The following C2CD5 variants were observed in gnomAD, a reference collection of about 807,000 sequenced individuals.
C2CD5 encodes C2 domain-containing protein 5.
Under a neutral mutation model 130.3 loss-of-function variants are expected in C2CD5, and 109 were observed. That is an observed-to-expected ratio of 0.84 (90% CI 0.72 to 0.98). The LOEUF (loss-of-function observed/expected upper bound fraction) is 0.98. C2CD5 is among the 50% of genes least tolerant of loss of function. The pLI is 0.00. For missense variants in C2CD5, 996 were observed against 1,261.8 expected (o/e 0.79, Z 3.19); for synonymous variants, 454 against 429.2 (o/e 1.06, Z -0.71).
In C2CD5 at chr12:22,472,578, A is replaced by T; in HGVS notation, c.2107+166T>A. The T allele has an allele frequency of 4.6e-6, 3 of 652,362 alleles. No homozygotes were observed. In the South Asian group the frequency reaches 5.5e-5, roughly 12 times the overall value. The allele number at this position is 652,362 out of a possible 1,614,324, so 40.4% of individuals were successfully genotyped here. On this transcript the variant is annotated intron_variant, in intron 17 of 26. Transcript: ENST00000446597. ...ATCACTTCCACCTAAGTTCTAACAT[A>T]AGTATTTTTAAGGTATGTTTTCTAC... is the stretch of plus-strand genomic sequence containing the variant.
intron 10 of C2CD5, among the ~76,000 whole-genome samples, chr12:22,503,232 T>G (rs1948033925): frequency 6.6e-6 from 1 of 152,156 alleles, no homozygotes. Context: ...CAAAACTCAT[T>G]TGAGAATGCA....
At chr12:22,480,154 TG>T (rs897135746) in intron 14 of C2CD5, among the ~76,000 whole-genome samples, 1 of 152,180 alleles carries the variant, frequency 6.6e-6, no homozygotes, top group African/African-American at 2.4e-5. Flanking sequence ...CCACCTCTAA[TG>T]TGTTTTAGCT....
At position 22,523,641 on chromosome 12, in the gene C2CD5, A is replaced by G. The variant is rs1315870946; in HGVS notation, c.602-17T>C. 6.3e-7 allele frequency: 1 copy of G among 1,599,128 alleles called. No individual in the cohort carries two copies. Among genetic ancestry groups the G allele is most frequent in the South Asian group, 1.1e-5 (1 of 90,818 alleles). On this transcript the variant is annotated splice_polypyrimidine_tract_variant and intron_variant, in intron 6 of 26. Coordinates refer to ENST00000446597, the MANE Select transcript of C2CD5 (RefSeq NM_001286176.2). ...GCAGCTCACCTACAAAACATGGGAA[A>G]TCTCATTCTTGCTTTGTAGCTTTAC...
At chr12:22,491,205 C>G (rs1359064731) in intron 11 of C2CD5, among the ~76,000 whole-genome samples, 1 of 152,184 alleles carries the variant, frequency 6.6e-6, no homozygotes, top group Non-Finnish European at 1.5e-5. Flanking sequence ...CAGATGACAT[C>G]TGTCAGATGA....
intron 24 of C2CD5, among the ~76,000 whole-genome samples, chr12:22,458,099 T>C (rs1187675817): frequency 6.6e-6 from 1 of 152,170 alleles, no homozygotes; most frequent in East Asian, 1.9e-4. Flanking sequence ...AAATTCTTTA[T>C]TAGTTTAGCC....
rs772852746 is a variant in C2CD5 at position 22,513,278 on chromosome 12, A to G, written c.1038+16T>C. 13 of 1,529,224 alleles carry G rather than the reference A, an allele frequency of 8.5e-6. No homozygotes were observed. The Admixed American group carries it at 2.0e-4, about 24-fold the overall frequency. 94.7% of individuals were successfully genotyped at this position (1,529,224 alleles called of 1,614,324 possible). ...TATTAACAGTGTAAGAACAAAGAAT[A>G]TCAAGTGAATCTTACCCTCTGTTCC... On this transcript the variant is annotated intron_variant, in intron 9 of 26. Coordinates refer to ENST00000446597, the MANE Select transcript of C2CD5 (RefSeq NM_001286176.2).
chr12:22,489,967 C>T (rs1005529672), intron 12 of C2CD5, among the ~76,000 whole-genome samples, 156 bp downstream of exon 12: 7 of 152,098 alleles, frequency 4.6e-5, no homozygotes, highest in Non-Finnish European at 1.0e-4. Flanking sequence ...TCTGTTACTA[C>T]GGGTTAGTTA....
At chr12:22,455,084 T>C (rs1394272080) in intron 25 of C2CD5, among the ~76,000 whole-genome samples, 1 of 152,156 alleles carries the variant, frequency 6.6e-6, no homozygotes, top group Admixed American at 6.5e-5. Context: ...ATGACTGCAG[T>C]ATTAGAAAAC....
At chr12:22,456,094 T>C (rs547871991) in intron 25 of C2CD5, among the ~76,000 whole-genome samples, 3 of 152,338 alleles carry the variant, frequency 2.0e-5, no homozygotes, top group African/African-American at 7.2e-5. Flanking sequence ...GCTACTGTGC[T>C]AGGCGCAGGA....
chr12:22,453,266 G>A (rs960915825), intron 26 of C2CD5, among the ~76,000 whole-genome samples: 2 of 152,100 alleles, frequency 1.3e-5, no homozygotes, highest in African/African-American at 4.8e-5. Context: ...ATTCATCACA[G>A]TGTACCAGTG....
At position 22,482,537 on chromosome 12, in the gene C2CD5, C is replaced by T; in HGVS notation, c.1737+20G>A. ...TAATTAAGGAAATCATAAAACAAAA[C>T]CAAAAACATCTAAACTTACCGCTAA... On this transcript the variant is annotated intron_variant, in intron 14 of 26. Transcript: ENST00000446597. 1 of 1,601,538 alleles carries T rather than the reference C, an allele frequency of 6.2e-7. No homozygotes were observed. The highest frequency in any genetic ancestry group is 8.5e-7 in the Non-Finnish European group (1 of 1,173,784).
At chr12:22,504,482 A>T (rs1948229370) in intron 10 of C2CD5, among the ~76,000 whole-genome samples, 1 of 152,070 alleles carries the variant, frequency 6.6e-6, no homozygotes, top group Non-Finnish European at 1.5e-5. Flanking sequence ...TTGTATTTTT[A>T]GTAGAGACAG....
intron 5 of C2CD5, 66 bp downstream of exon 5, chr12:22,525,544 T>C: frequency 1.2e-6 from 1 of 837,754 alleles, no homozygotes; most frequent in African/African-American, 1.7e-5. Context: ...TCTGAAATGT[T>C]AACTTGATTT....
chr12:22,496,421 A>C (rs1947023335), intron 10 of C2CD5, among the ~76,000 whole-genome samples: 1 of 152,038 alleles, frequency 6.6e-6, no homozygotes, highest in South Asian at 2.1e-4. Flanking sequence ...ATGCAAACAG[A>C]GTCTAGCTTA....
At chr12:22,473,922 T>TG (rs1162166176) in intron 16 of C2CD5, among the ~76,000 whole-genome samples, 1 of 151,974 alleles carries the variant, frequency 6.6e-6, no homozygotes, top group Non-Finnish European at 1.5e-5. Context: ...GGGGAAAAAG[T>TG]GGGGGGCAAA....
intron 25 of C2CD5, among the ~76,000 whole-genome samples, chr12:22,456,686 G>C (rs2135992266): frequency 6.6e-6 from 1 of 152,236 alleles, no homozygotes; most frequent in Middle Eastern, 3.4e-3. Context: ...AAACGAAGCT[G>C]TTCTTTCAGG....
At chr12:22,517,092 T>C (rs189226392) in intron 8 of C2CD5, among the ~76,000 whole-genome samples, 2 of 152,088 alleles carry the variant, frequency 1.3e-5, no homozygotes, top group East Asian at 3.9e-4. Flanking sequence ...GGATTTAGAC[T>C]TCTTTTCCTT....
chr12:22,454,817 G>T (rs1034684329), intron 25 of C2CD5, among the ~76,000 whole-genome samples: 4 of 152,126 alleles, frequency 2.6e-5, no homozygotes, highest in Non-Finnish European at 5.9e-5. Context: ...GTCAGGGACT[G>T]TATCTGTTTT....
chr12:22,484,597 A>T, intron 13 of C2CD5, 100 bp downstream of exon 13: 1 of 551,126 alleles, frequency 1.8e-6, no homozygotes, highest in Non-Finnish European at 3.1e-6. Context: ...GTGCAGGATC[A>T]AACAGGTAGG....
Sources: gnomAD v4.1 joint callset for allele counts (sites outside exome capture counted in the v4.1 genomes callset) on GRCh38, gnomAD v4.1.1 for gene constraint, MANE v1.5 for transcripts, NCBI Gene and HGNC (gene_info 2026-07-23, HGNC 2026-07-21) for gene names.